The following PRIMA1 variants were observed in gnomAD, a reference collection of about 807,000 sequenced individuals.
PRIMA1 encodes the protein proline rich membrane anchor 1.
A neutral mutation model predicts 17.5 loss-of-function variants in PRIMA1; 7 were observed. The observed-to-expected ratio is 0.40, with a 90% CI of 0.23 to 0.75. The LOEUF (loss-of-function observed/expected upper bound fraction) is 0.75, where lower values mean the gene tolerates loss of function less well. Among genes scored for constraint, PRIMA1 ranks in the 30% least tolerant of loss-of-function variants. The pLI is 0.37. For synonymous variants in PRIMA1, 97 were observed against 77.9 expected (o/e 1.25, Z -1.29); for missense variants, 200 against 201.8 (o/e 0.99, Z 0.05).
At chr14:93,733,877 C>A (rs1404339390) in intron 4 of PRIMA1, among the ~76,000 whole-genome samples, 1 of 152,192 alleles carries the variant, frequency 6.6e-6, no homozygotes, top group African/African-American at 2.4e-5. Flanking sequence ...TCTCTTACAG[C>A]CCCAGCTGAG....
chr14:93,785,450 C>T (rs926616803), intron 2 of PRIMA1, among the ~76,000 whole-genome samples: 5 of 152,170 alleles, frequency 3.3e-5, no homozygotes, highest in African/African-American at 9.7e-5. Flanking sequence ...GCCTCATCGA[C>T]GATCCCATTA....
At chr14:93,733,099 C>A (rs933294220) in intron 4 of PRIMA1, among the ~76,000 whole-genome samples, 2 of 152,198 alleles carry the variant, frequency 1.3e-5, no homozygotes, top group African/African-American at 4.8e-5. Flanking sequence ...TGGCTGGGAA[C>A]CCCCTCTGGA....
In PRIMA1 at chr14:93,725,484, G is replaced by A. The variant is rs1444163431; in HGVS notation, c.360-3938C>T. Among the ~76,000 whole-genome samples the A allele has an allele frequency of 2.6e-5, 4 of 152,108 alleles. 1 individual carries two copies. Among genetic ancestry groups the A allele is most frequent in the Non-Finnish European group, 1.5e-5 (1 of 68,016 alleles). ...CCCCCCAACTCCACCCCTCCATCAA[G>A]CACGGCACTTCAGGGTGACGCTGCG... On this transcript the variant is annotated intron_variant, in intron 4 of 4. Coordinates refer to ENST00000393140, the MANE Select transcript of PRIMA1 (RefSeq NM_178013.4).
chr14:93,723,522 A>AAACT (rs1397096986), intron 4 of PRIMA1, among the ~76,000 whole-genome samples: 2 of 152,190 alleles, frequency 1.3e-5, no homozygotes, highest in African/African-American at 4.8e-5. Context: ...GTCTGGTAGC[A>AAACT]AACTGTTCCC....
In PRIMA1 at chr14:93,718,425, A is replaced by G. The variant is rs1164358984; in HGVS notation, c.*3019T>C. The G allele has an allele frequency of 6.6e-6, 1 of 152,436 alleles. No homozygotes were observed. Among genetic ancestry groups the G allele is most frequent in the African/African-American group, 2.4e-5 (1 of 41,380 alleles). The allele number at this position is 152,436 out of a possible 1,614,324, so 9.4% of individuals were successfully genotyped here. A position where few individuals can be genotyped will look rare whatever the true frequency, so the allele number is the denominator to read the frequency against. On this transcript the variant is annotated 3_prime_UTR_variant, in exon 5 of 5. Transcript: ENST00000393140. Reference sequence around the variant, plus strand: ...AAAGTCTCAGCAGGAAACCAACCTTAATGGCTTGTTGGTGGATAAGACGGC... The same window carrying G: ...AAAGTCTCAGCAGGAAACCAACCTTGATGGCTTGTTGGTGGATAAGACGGC...
chr14:93,760,436 C>T (rs1231027454), intron 3 of PRIMA1, among the ~76,000 whole-genome samples: 1 of 152,094 alleles, frequency 6.6e-6, no homozygotes, highest in Admixed American at 6.5e-5. Context: ...ATTTCTTCTA[C>T]CTGGAGCATC....
intron 3 of PRIMA1, among the ~76,000 whole-genome samples, chr14:93,748,050 G>GTC (rs2076236098): frequency 6.6e-6 from 1 of 151,190 alleles, no homozygotes. Flanking sequence ...GTGTGTGAGT[G>GTC]TGTGTATGTG....
intron 3 of PRIMA1, among the ~76,000 whole-genome samples, chr14:93,744,018 G>A (rs1399973792): frequency 3.3e-5 from 5 of 152,228 alleles, no homozygotes; most frequent in African/African-American, 9.6e-5. Flanking sequence ...TGTGGGGGCC[G>A]GAGCTTTGCT....
intron 3 of PRIMA1, among the ~76,000 whole-genome samples, chr14:93,774,446 G>GA (rs1885151958): frequency 6.6e-6 from 1 of 152,206 alleles, no homozygotes; most frequent in African/African-American, 2.4e-5. Flanking sequence ...AGGCCTGCAC[G>GA]AATAGGTGTT....
At chr14:93,787,388 T>C (rs1885553926) in intron 2 of PRIMA1, among the ~76,000 whole-genome samples, 1 of 152,178 alleles carries the variant, frequency 6.6e-6, no homozygotes, top group Non-Finnish European at 1.5e-5. Context: ...TGAGCCCCTT[T>C]CCATTCCAAG....
chr14:93,742,442 T>A (rs1227370909), intron 3 of PRIMA1, among the ~76,000 whole-genome samples: 1 of 152,160 alleles, frequency 6.6e-6, no homozygotes, highest in African/African-American at 2.4e-5. Flanking sequence ...AAATATATAA[T>A]GGCACATCGT....
At chr14:93,788,874 C>T (rs1885611207), upstream of PRIMA1, among the ~76,000 whole-genome samples, 1 of 151,842 alleles carries the variant, frequency 6.6e-6, no homozygotes, top group East Asian at 1.9e-4. Context: ...TGGCTCCCCG[C>T]CTTTCCTGGT....
intron 4 of PRIMA1, among the ~76,000 whole-genome samples, chr14:93,724,377 G>A (rs2076061437): frequency 6.6e-6 from 1 of 152,200 alleles, no homozygotes; most frequent in African/African-American, 2.4e-5. Context: ...GGGTTTACAG[G>A]CCTCAGCTGT....
intron 3 of PRIMA1, among the ~76,000 whole-genome samples, chr14:93,737,948 G>A (rs887777826): frequency 6.6e-6 from 1 of 152,186 alleles, no homozygotes; most frequent in Non-Finnish European, 1.5e-5. Flanking sequence ...CTCTGCAGGC[G>A]GGGGTGGGGA....
At chr14:93,724,217 A>T (rs1343497163) in intron 4 of PRIMA1, among the ~76,000 whole-genome samples, 1 of 152,150 alleles carries the variant, frequency 6.6e-6, no homozygotes, top group Non-Finnish European at 1.5e-5. Flanking sequence ...GACCTCATCA[A>T]CTTGGGAAAG....
At chr14:93,773,863 G>C (rs1885136258) in intron 3 of PRIMA1, among the ~76,000 whole-genome samples, 1 of 152,208 alleles carries the variant, frequency 6.6e-6, no homozygotes, top group Admixed American at 6.5e-5. Flanking sequence ...GGAGGCTGAG[G>C]TGGGCAGATC....
At chr14:93,741,026 C>G (rs529707107) in intron 3 of PRIMA1, among the ~76,000 whole-genome samples, 239 of 152,284 alleles carry the variant, frequency 1.6e-3, no homozygotes, top group African/African-American at 5.4e-3. Context: ...TGCACAGGGT[C>G]CCCTCTAATA....
intron 3 of PRIMA1, among the ~76,000 whole-genome samples, chr14:93,760,993 G>C (rs1192287917): frequency 1.3e-5 from 2 of 152,010 alleles, no homozygotes; most frequent in African/African-American, 4.8e-5. Flanking sequence ...AAGCAAATCT[G>C]TAAGTGTCAT....
At chr14:93,749,572 AC>A (rs1453199465) in intron 3 of PRIMA1, among the ~76,000 whole-genome samples, 1 of 152,126 alleles carries the variant, frequency 6.6e-6, no homozygotes, top group Admixed American at 6.6e-5. Flanking sequence ...AATGAGAATG[AC>A]TTGACATGGA....
Sources: allele counts gnomAD v4.1 joint callset (sites outside exome capture counted in the v4.1 genomes callset), GRCh38; gene constraint gnomAD v4.1.1; transcripts MANE v1.5; gene names NCBI Gene and HGNC (gene_info 2026-07-23, HGNC 2026-07-21).